Variants in CTNNA3 observed in about 807,000 individuals in gnomAD.
CTNNA3 encodes the protein catenin alpha-3.
CTNNA3 carries 76 observed loss-of-function variants against 95.7 expected under a neutral mutation model. The observed-to-expected ratio is 0.79, with a 90% CI of 0.66 to 0.96. The LOEUF (loss-of-function observed/expected upper bound fraction) is 0.96, where lower values mean the gene tolerates loss of function less well. Ranked by LOEUF, CTNNA3 falls within the 40% of genes least tolerant of loss-of-function variation. The pLI is 0.00. For synonymous variants in CTNNA3, 431 were observed against 374.4 expected (o/e 1.15, Z -1.74); for missense variants, 1,191 against 1,089.8 (o/e 1.09, Z -1.31).
chr10:67,375,619 C>T (rs1843658852), intron 5 of CTNNA3, among the ~76,000 whole-genome samples: 1 of 151,762 alleles, frequency 6.6e-6, no homozygotes. Flanking sequence ...AAAACAAAAA[C>T]CTGCAATGCA....
chr10:66,748,217 TG>T (rs1485988078), intron 9 of CTNNA3, among the ~76,000 whole-genome samples: 1 of 152,222 alleles, frequency 6.6e-6, no homozygotes, highest in Non-Finnish European at 1.5e-5. Flanking sequence ...TTCAAAGTTC[TG>T]AAAACAAAAA....
chr10:67,385,120 C>A (rs1844102235), intron 5 of CTNNA3, among the ~76,000 whole-genome samples: 2 of 152,046 alleles, frequency 1.3e-5, no homozygotes, highest in Non-Finnish European at 2.9e-5. Flanking sequence ...ATTTGAATTT[C>A]TTTTCAATTA....
At chr10:66,539,784 C>T (rs937922431) in intron 10 of CTNNA3, among the ~76,000 whole-genome samples, 19 of 152,106 alleles carry the variant, frequency 1.2e-4, no homozygotes, top group African/African-American at 4.6e-4. Flanking sequence ...ACATCAGCAT[C>T]ACCTGGGAGC....
At chr10:66,442,050 C>T (rs1461716861) in intron 11 of CTNNA3, among the ~76,000 whole-genome samples, 1 of 152,144 alleles carries the variant, frequency 6.6e-6, no homozygotes, top group Non-Finnish European at 1.5e-5. Flanking sequence ...ATACAGTCAA[C>T]CCTCTTTCTC....
At chr10:67,613,694 T>C (rs1843542646) in intron 2 of CTNNA3, among the ~76,000 whole-genome samples, 2 of 152,160 alleles carry the variant, frequency 1.3e-5, no homozygotes, top group South Asian at 4.1e-4. Context: ...AGCTGGCACA[T>C]CCTTTTTATT....
intron 7 of CTNNA3, among the ~76,000 whole-genome samples, chr10:66,898,182 G>A (rs1462871110): frequency 6.6e-6 from 1 of 152,118 alleles, no homozygotes; most frequent in Non-Finnish European, 1.5e-5. Flanking sequence ...CAACTCAATG[G>A]TCATATCTAC....
chr10:66,856,161 A>C (rs1843675794), intron 7 of CTNNA3, among the ~76,000 whole-genome samples: 1 of 152,022 alleles, frequency 6.6e-6, no homozygotes, highest in Non-Finnish European at 1.5e-5. Context: ...CCTGTAAGTG[A>C]GAACGTGTGG....
chr10:66,044,051 A>C (rs576033016), intron 15 of CTNNA3, among the ~76,000 whole-genome samples: 49 of 151,600 alleles, frequency 3.2e-4, no homozygotes, highest in African/African-American at 1.2e-3. Context: ...GCTAGAGTGC[A>C]GTGGTGCGAT....
chr10:66,905,412 C>CGAATGT (rs990729376), intron 7 of CTNNA3, among the ~76,000 whole-genome samples: 9 of 152,026 alleles, frequency 5.9e-5, no homozygotes, highest in Non-Finnish European at 1.2e-4. Context: ...GGCGAAATAC[C>CGAATGT]GAATGTAAAT....
At chr10:67,181,721 A>T (rs1194067037) in intron 6 of CTNNA3, among the ~76,000 whole-genome samples, 2 of 152,248 alleles carry the variant, frequency 1.3e-5, no homozygotes, top group Middle Eastern at 3.4e-3. Flanking sequence ...GTTACATTAC[A>T]TTCTGATAAA....
chr10:67,205,476 CT>C (rs1364914347), intron 6 of CTNNA3, among the ~76,000 whole-genome samples: 3 of 152,148 alleles, frequency 2.0e-5, no homozygotes, highest in Admixed American at 6.5e-5. Context: ...TGTAAACCCC[CT>C]TTTAGATAAC....
intron 12 of CTNNA3, among the ~76,000 whole-genome samples, chr10:66,337,037 A>G (rs1399924369): frequency 6.6e-6 from 1 of 152,138 alleles, no homozygotes; most frequent in Non-Finnish European, 1.5e-5. Flanking sequence ...CCAAATCATT[A>G]AATAGATTTG....
At chr10:66,018,742 G>A (rs890373079) in intron 15 of CTNNA3, among the ~76,000 whole-genome samples, 26 of 151,964 alleles carry the variant, frequency 1.7e-4, no homozygotes, top group African/African-American at 6.3e-4. Context: ...TAAAATGAGA[G>A]GGTGGAGCAA....
At chr10:66,161,921 A>G (rs995825354) in intron 13 of CTNNA3, among the ~76,000 whole-genome samples, 1 of 151,862 alleles carries the variant, frequency 6.6e-6, no homozygotes, top group Non-Finnish European at 1.5e-5. Context: ...TTTGTCTTTG[A>G]TGGATTGGGT....
At chr10:67,084,961 T>A (rs147813527) in intron 7 of CTNNA3, among the ~76,000 whole-genome samples, 2,101 of 152,022 alleles carry the variant, frequency 0.014, 52 homozygotes, top group African/African-American at 0.048. Context: ...ATGTTATAAA[T>A]ATCAAGACAT....
At chr10:66,001,768 C>G (rs1031513718) in intron 15 of CTNNA3, among the ~76,000 whole-genome samples, 6 of 152,046 alleles carry the variant, frequency 3.9e-5, no homozygotes, top group Non-Finnish European at 8.8e-5. Flanking sequence ...TAAGGTGCAT[C>G]AGCACCTTTT....
chr10:66,470,910 T>C (rs1839104971), intron 11 of CTNNA3, among the ~76,000 whole-genome samples: 2 of 151,910 alleles, frequency 1.3e-5, no homozygotes, highest in South Asian at 4.1e-4. Flanking sequence ...TCAAGAAACT[T>C]GTACTGGAAG....
intron 11 of CTNNA3, among the ~76,000 whole-genome samples, chr10:66,512,845 G>T (rs1372775775): frequency 6.6e-6 from 1 of 151,940 alleles, no homozygotes; most frequent in Non-Finnish European, 1.5e-5. Context: ...TCCTCTCCTA[G>T]CTTGTAAGTT....
Position 66,582,709 on chromosome 10 carries a change from T to C in CTNNA3, c.1374+38983A>G, listed in dbSNP as rs181410841. On this transcript the variant is annotated intron_variant, in intron 10 of 17. Coordinates refer to ENST00000433211, the MANE Select transcript of CTNNA3 (RefSeq NM_013266.4). The stretch of plus-strand genomic sequence containing the variant: ...AGGGATAAAAGTCAGCATCCTTGTC[T>C]TATTTCAGTTAATAGGGGAAATACT... Among the ~76,000 whole-genome samples the C allele has an allele frequency of 5.3e-5, 8 of 152,032 alleles. No homozygotes were observed. In the South Asian group the frequency reaches 1.4e-3, roughly 28 times the overall value.
Sources: gnomAD v4.1 joint callset for allele counts (sites outside exome capture counted in the v4.1 genomes callset) on GRCh38, gnomAD v4.1.1 for gene constraint, MANE v1.5 for transcripts, NCBI Gene and HGNC (gene_info 2026-07-23, HGNC 2026-07-21) for gene names.